AVP: variants seen among roughly 807,000 people sequenced by gnomAD.
The protein encoded by AVP is vasopressin-neurophysin 2-copeptin.
A neutral mutation model predicts 11.1 loss-of-function variants in AVP; 9 were observed. The observed-to-expected ratio is 0.81, with a 90% CI of 0.49 to 1.42. The LOEUF (loss-of-function observed/expected upper bound fraction) is 1.42. AVP is among the 40% of genes most tolerant of loss of function. The pLI, the probability that AVP is intolerant of heterozygous loss-of-function variation, is 0.00. For synonymous variants in AVP, 106 were observed against 111.3 expected, an observed-to-expected ratio of 0.95 and a Z score of 0.30; for missense variants, 206 against 238.5, an observed-to-expected ratio of 0.86 and a Z score of 0.90.
chr20:3,082,911 GCCCGCGTCCCC>G lies in AVP; in HGVS notation c.322+55_322+65del. The G allele has an allele frequency of 1.6e-6, 1 of 614,208 alleles. No individual in the cohort carries two copies. Among genetic ancestry groups the G allele is most frequent in the Non-Finnish European group, 2.2e-6 (1 of 451,298 alleles). The allele number at this position is 614,208 out of a possible 1,614,324, so 38.0% of individuals were successfully genotyped here. A position where few individuals can be genotyped will look rare whatever the true frequency, so the allele number is the denominator to read the frequency against. ...CGACGCAGCCCCCACCCCGCCGCAG[GCCCGCGTCCCC>G]CCCACCCAAGCGGTCTGCGCCCCCC... On this transcript the variant is annotated intron_variant, in intron 2 of 2. Coordinates refer to ENST00000380293, the MANE Select transcript of AVP (RefSeq NM_000490.5). This position sits in a 1 kb window ranked among gnomAD's most constrained non-coding sequence, Gnocchi z 4.7.
In AVP at chr20:3,082,745, C is replaced by T; in HGVS notation, c.380G>A (p.Ser127Asn). 1.6e-6 allele frequency: 2 copies of T among 1,277,184 alleles called. No homozygotes were observed. The highest frequency in any genetic ancestry group is 2.0e-6 in the Non-Finnish European group (2 of 1,014,112). The allele number at this position is 1,277,184 out of a possible 1,614,324, so 79.1% of individuals were successfully genotyped here. A position where few individuals can be genotyped will look rare whatever the true frequency, so the allele number is the denominator to read the frequency against. Reference protein sequence around the residue: ...REGFHRRARASDRSNATQLDG... With the variant: ...REGFHRRARANDRSNATQLDG... The stretch of plus-strand genomic sequence containing the variant: ...CAGCTGCGTGGCGTTGCTCCGGTCG[C>T]TGGCGCGGGCGCGGCGGTGAAAGCC... The change falls in exon 3 of 3, where the codon AGC becomes AAC. Residue 127 changes from serine to asparagine, a missense_variant. Physicochemically the swap from Ser to Asn is conservative, Grantham distance 46. This residue lies in a region of AVP where 106 missense variants were observed against 89.2 expected (regional missense o/e 1.19). Coordinates refer to ENST00000380293, the MANE Select transcript of AVP (RefSeq NM_000490.5). This position sits in a 1 kb window ranked among gnomAD's most constrained non-coding sequence, Gnocchi z 4.7.
chr20:3,082,893 G>GCCCC lies in AVP; in HGVS notation c.322+80_322+83dup. On this transcript the variant is annotated intron_variant, in intron 2 of 2. Transcript: ENST00000380293. This position sits in a 1 kb window ranked among gnomAD's most constrained non-coding sequence, Gnocchi z 4.7. ...CACCCTCCCTGCCGGGCCCGACGCA[G>GCCCC]CCCCCACCCCGCCGCAGGCCCGCGT... 8.3e-5 allele frequency: 99 copies of GCCCC among 1,191,304 alleles called. No individual in the cohort carries two copies. The highest frequency in any genetic ancestry group is 1.0e-4 in the South Asian group (3 of 29,028). The allele number at this position is 1,191,304 out of a possible 1,614,324, so 73.8% of individuals were successfully genotyped here. A position where few individuals can be genotyped will look rare whatever the true frequency, so the allele number is the denominator to read the frequency against.
chr20:3,082,934 G>A lies in AVP; in HGVS notation c.322+43C>T. On this transcript the variant is annotated intron_variant, in intron 2 of 2. Transcript: ENST00000380293. The surrounding 1 kb of genome is among the most constrained non-coding windows in gnomAD (Gnocchi z 4.7). ...AGGCCCGCGTCCCCCCCACCCAAGC[G>A]GTCTGCGCCCCCCCCAGCCCCAGGC... is the stretch of plus-strand genomic sequence containing the variant. 1 of 899,396 alleles carries A rather than the reference G, an allele frequency of 1.1e-6. No individual in the cohort carries two copies. Among genetic ancestry groups the A allele is most frequent in the East Asian group, 4.6e-5 (1 of 21,752 alleles). 55.7% of individuals were successfully genotyped at this position (899,396 alleles called of 1,614,324 possible).
Position 3,083,881 on chromosome 20 carries a change from TG to T in AVP, c.120+673del, listed in dbSNP as rs2066124471. On this transcript the variant is annotated intron_variant, in intron 1 of 2. Transcript: ENST00000380293. This position sits in a 1 kb window ranked among gnomAD's most constrained non-coding sequence, Gnocchi z 5.4. Reference sequence around the variant, plus strand: ...CTCATCTGCTCAACAGCCGGTTCTCTGGCGCAATGGATAGCGCATTAGACTT... The same window carrying T: ...CTCATCTGCTCAACAGCCGGTTCTCTGCGCAATGGATAGCGCATTAGACTT... Among the ~76,000 whole-genome samples the T allele has an allele frequency of 6.6e-6, 1 of 152,246 alleles. No homozygotes were observed. Among genetic ancestry groups the T allele is most frequent in the African/African-American group, 2.4e-5 (1 of 41,470 alleles).
Position 3,082,838 on chromosome 20 carries a change from G to A in AVP, c.323-36C>T, listed in dbSNP as rs918762576. On this transcript the variant is annotated intron_variant, in intron 2 of 2. Coordinates refer to ENST00000380293, the MANE Select transcript of AVP (RefSeq NM_000490.5). This position sits in a 1 kb window ranked among gnomAD's most constrained non-coding sequence, Gnocchi z 4.7. ...GACGTGTGAGCACGGGCGCCCTGGGGCGGGCGCAGCTCGGGGTGCGGGGGG... is the reference window on the plus strand; with the variant it reads ...GACGTGTGAGCACGGGCGCCCTGGGACGGGCGCAGCTCGGGGTGCGGGGGG... The A allele has an allele frequency of 8.2e-7, 1 of 1,221,684 alleles. No homozygotes were observed. Among genetic ancestry groups the A allele is most frequent in the Non-Finnish European group, 1.0e-6 (1 of 982,230 alleles). 75.7% of individuals were successfully genotyped at this position (1,221,684 alleles called of 1,614,324 possible).
In AVP at chr20:3,082,903, C is replaced by CCCCCCCCG; in HGVS notation, c.322+73_322+74insCGGGGGGG. Reference sequence around the variant, plus strand: ...GCCGGGCCCGACGCAGCCCCCACCCCGCCGCAGGCCCGCGTCCCCCCCACC... The same window carrying CCCCCCCCG: ...GCCGGGCCCGACGCAGCCCCCACCCCCCCCCCCGGCCGCAGGCCCGCGTCCCCCCCACC... On this transcript the variant is annotated intron_variant, in intron 2 of 2. Transcript: ENST00000380293. The surrounding 1 kb of genome is among the most constrained non-coding windows in gnomAD (Gnocchi z 4.7). 16 of 1,026,346 alleles carry CCCCCCCCG rather than the reference C, an allele frequency of 1.6e-5. No homozygotes were observed. The highest frequency in any genetic ancestry group is 2.0e-5 in the Non-Finnish European group (16 of 818,314). 63.6% of individuals were successfully genotyped at this position (1,026,346 alleles called of 1,614,324 possible). A position where few individuals can be genotyped will look rare whatever the true frequency, so the allele number is the denominator to read the frequency against.
chr20:3,083,245 G>A lies in AVP; in HGVS notation c.121-67C>T. On this transcript the variant is annotated intron_variant, in intron 1 of 2. Coordinates refer to ENST00000380293, the MANE Select transcript of AVP (RefSeq NM_000490.5). The surrounding 1 kb of genome is among the most constrained non-coding windows in gnomAD (Gnocchi z 5.4). ...AGTCGAGGGGTTGGAGGGGAACGCA[G>A]CGAGGCGGGGATGCTGGGGTCCAGG... 1 of 1,364,088 alleles carries A rather than the reference G, an allele frequency of 7.3e-7. No homozygotes were observed. Among genetic ancestry groups the A allele is most frequent in the Non-Finnish European group, 9.5e-7 (1 of 1,052,930 alleles). The allele number at this position is 1,364,088 out of a possible 1,614,324, so 84.5% of individuals were successfully genotyped here.
chr20:3,084,473 C>A, intron 1 of AVP, 82 bp downstream of exon 1: 2 of 1,604,640 alleles, frequency 1.2e-6, no homozygotes, highest in Admixed American at 1.7e-5. Flanking sequence ...CCACCCATGA[C>A]TTCCCTCTTT....
Position 3,083,183 on chromosome 20 carries a change from G to C in AVP, c.121-5C>G. ...CCCGGGGCCGCAGGGGAGGCACTGC[G>C]GGGACGGGCGGGGTGAGCGGGAGGA... is the stretch of plus-strand genomic sequence containing the variant. On this transcript the variant is annotated splice_region_variant and splice_polypyrimidine_tract_variant and intron_variant, in intron 1 of 2. Transcript: ENST00000380293. The surrounding 1 kb of genome is among the most constrained non-coding windows in gnomAD (Gnocchi z 5.4). 1 of 1,473,662 alleles carries C rather than the reference G, an allele frequency of 6.8e-7. No homozygotes were observed. Among genetic ancestry groups the C allele is most frequent in the Non-Finnish European group, 9.0e-7 (1 of 1,115,538 alleles). The allele number at this position is 1,473,662 out of a possible 1,614,324, so 91.3% of individuals were successfully genotyped here.
chr20:3,082,826 G>A lies in AVP; in HGVS notation c.323-24C>T. On this transcript the variant is annotated intron_variant, in intron 2 of 2. Transcript: ENST00000380293. This position sits in a 1 kb window ranked among gnomAD's most constrained non-coding sequence, Gnocchi z 4.7. ...CTCTGCCGGGAGGACGTGTGAGCAC[G>A]GGCGCCCTGGGGCGGGCGCAGCTCG... The A allele has an allele frequency of 8.2e-7, 1 of 1,223,782 alleles. No homozygotes were observed. The highest frequency in any genetic ancestry group is 1.0e-6 in the Non-Finnish European group (1 of 983,420). 75.8% of individuals were successfully genotyped at this position (1,223,782 alleles called of 1,614,324 possible).
chr20:3,082,918 TCCCCCCCACCCAAGCGGTCTGCGC>T lies in AVP; in HGVS notation c.322+35_322+58del. The T allele has an allele frequency of 2.1e-6, 1 of 476,026 alleles. No individual in the cohort carries two copies. Among genetic ancestry groups the T allele is most frequent in the Non-Finnish European group, 2.9e-6 (1 of 345,030 alleles). The allele number at this position is 476,026 out of a possible 1,614,324, so 29.5% of individuals were successfully genotyped here. ...GCCCCCACCCCGCCGCAGGCCCGCGTCCCCCCCACCCAAGCGGTCTGCGCCCCCCCCAGCCCCAGGCCCGCCCCC... is the reference window on the plus strand; with the variant it reads ...GCCCCCACCCCGCCGCAGGCCCGCGTCCCCCCCAGCCCCAGGCCCGCCCCC... On this transcript the variant is annotated intron_variant, in intron 2 of 2. Transcript: ENST00000380293. The surrounding 1 kb of genome is among the most constrained non-coding windows in gnomAD (Gnocchi z 4.7).
In AVP at chr20:3,082,676, G is replaced by A; in HGVS notation, c.449C>T (p.Ala150Val). 7.8e-7 allele frequency: 1 copy of A among 1,285,272 alleles called. No homozygotes were observed. The highest frequency in any genetic ancestry group is 9.8e-7 in the Non-Finnish European group (1 of 1,019,672). The allele number at this position is 1,285,272 out of a possible 1,614,324, so 79.6% of individuals were successfully genotyped here. A position where few individuals can be genotyped will look rare whatever the true frequency, so the allele number is the denominator to read the frequency against. The change falls in exon 3 of 3, where the codon GCC becomes GTC. Residue 150 changes from alanine (A) to valine (V), a missense_variant. Ala to Val is a moderately conservative substitution (Grantham distance 64, BLOSUM62 0). Around this residue, in one of 2 missense-constraint regions of AVP, gnomAD observed 106 missense variants for 89.2 expected, o/e 1.19. Coordinates refer to ENST00000380293, the MANE Select transcript of AVP (RefSeq NM_000490.5). This position sits in a 1 kb window ranked among gnomAD's most constrained non-coding sequence, Gnocchi z 4.7. Reference sequence around the variant, plus strand: ...GGGCTCGAAGGGCTCGGGCGCCCCGGCCAGCTGCACCAGCCGCAGCAGCAA... The same window carrying A: ...GGGCTCGAAGGGCTCGGGCGCCCCGACCAGCTGCACCAGCCGCAGCAGCAA... Reference protein sequence around the residue: ...GALLLRLVQLAGAPEPFEPAQ... With the variant: ...GALLLRLVQLVGAPEPFEPAQ...
At position 3,083,316 on chromosome 20, in the gene AVP, T is replaced by A; in HGVS notation, c.121-138A>T. The A allele has an allele frequency of 1.0e-6, 1 of 989,088 alleles. No individual in the cohort carries two copies. Among genetic ancestry groups the A allele is most frequent in the Non-Finnish European group, 1.4e-6 (1 of 732,410 alleles). The allele number at this position is 989,088 out of a possible 1,614,324, so 61.3% of individuals were successfully genotyped here. A position where few individuals can be genotyped will look rare whatever the true frequency, so the allele number is the denominator to read the frequency against. Reference sequence around the variant, plus strand: ...ACCGGGGCTGCGGCTGCAGGCACGCTCGGGCGCCACTGGGCCTCGACCGCG... The same window carrying A: ...ACCGGGGCTGCGGCTGCAGGCACGCACGGGCGCCACTGGGCCTCGACCGCG... On this transcript the variant is annotated intron_variant, in intron 1 of 2. Coordinates refer to ENST00000380293, the MANE Select transcript of AVP (RefSeq NM_000490.5). The surrounding 1 kb of genome is among the most constrained non-coding windows in gnomAD (Gnocchi z 5.4).
In AVP at chr20:3,083,306, G is replaced by T; in HGVS notation, c.121-128C>A. The stretch of plus-strand genomic sequence containing the variant: ...CGGGCGGGACACCGGGGCTGCGGCT[G>T]CAGGCACGCTCGGGCGCCACTGGGC... On this transcript the variant is annotated intron_variant, in intron 1 of 2. Transcript: ENST00000380293. This position sits in a 1 kb window ranked among gnomAD's most constrained non-coding sequence, Gnocchi z 5.4. 9.4e-7 allele frequency: 1 copy of T among 1,060,276 alleles called. No individual in the cohort carries two copies. The highest frequency in any genetic ancestry group is 1.3e-6 in the Non-Finnish European group (1 of 796,518). The allele number at this position is 1,060,276 out of a possible 1,614,324, so 65.7% of individuals were successfully genotyped here.
Position 3,084,598 on chromosome 20 carries a change from G to A in AVP, c.77C>T (p.Pro26Leu), listed in dbSNP as rs142886338. The change falls in exon 1 of 3, where the codon CCG becomes CTG. Residue 26 changes from proline (P) to leucine (L), a missense_variant. Pro to Leu is a moderately conservative substitution (Grantham distance 98, BLOSUM62 -3). Transcript: ENST00000380293. ...FSSACYFQNCPRGGKRAMSDL... is the reference protein window; with the variant it reads ...FSSACYFQNCLRGGKRAMSDL... The stretch of plus-strand genomic sequence containing the variant: ...GGACATGGCCCTCTTGCCGCCCCTC[G>A]GGCAGTTCTGGAAGTAGCACGCGGA... 5.1e-5 allele frequency: 82 copies of A among 1,613,806 alleles called. No individual in the cohort carries two copies. The highest frequency in any genetic ancestry group is 1.6e-4 in the Middle Eastern group (1 of 6,084).
rs1387023489 is a variant in AVP, at chr20:3,082,587, A to AGGGGCGGGCGCGAAGAGCGCGCCGGT, written c.*17_*42dup. On this transcript the variant is annotated 3_prime_UTR_variant, in exon 3 of 3. Transcript: ENST00000380293. The surrounding 1 kb of genome is among the most constrained non-coding windows in gnomAD (Gnocchi z 4.7). ...GGCGGAGGTTTATTGTCCGTGCTGC[A>AGGGGCGGGCGCGAAGAGCGCGCCGGT]GGGGCGGGCGCGAAGAGCGCGCCGG... 5 of 1,235,288 alleles carry AGGGGCGGGCGCGAAGAGCGCGCCGGT rather than the reference A, an allele frequency of 4.0e-6. No individual in the cohort carries two copies. The highest frequency in any genetic ancestry group is 1.6e-5 in the African/African-American group (1 of 63,878). 76.5% of individuals were successfully genotyped at this position (1,235,288 alleles called of 1,614,324 possible). A position where few individuals can be genotyped will look rare whatever the true frequency, so the allele number is the denominator to read the frequency against.
intron 1 of AVP, 28 bp downstream of exon 1, chr20:3,084,527 C>A (rs566449648): frequency 1.2e-6 from 2 of 1,613,376 alleles, no homozygotes; most frequent in African/African-American, 2.7e-5. Context: ...GCTATGGCAG[C>A]CCTGAGATGG....
At chr20:3,084,284 G>A (rs1021323120) in intron 1 of AVP, among the ~76,000 whole-genome samples, 8 of 152,134 alleles carry the variant, frequency 5.3e-5, no homozygotes, top group African/African-American at 7.2e-5. Context: ...CCCAGTCACC[G>A]GGGAAGCATC....
chr20:3,084,072 T>A (rs1250630339), intron 1 of AVP, among the ~76,000 whole-genome samples: 1 of 152,180 alleles, frequency 6.6e-6, no homozygotes, highest in Non-Finnish European at 1.5e-5. Flanking sequence ...CCCCACAGGA[T>A]GCCCCACTCA....
Sources: allele counts gnomAD v4.1 joint callset (sites outside exome capture counted in the v4.1 genomes callset), GRCh38; gene constraint gnomAD v4.1.1; regional missense constraint gnomAD v4.1.1; non-coding constraint Gnocchi (gnomAD v3.1); transcripts MANE v1.5; gene names NCBI Gene and HGNC (gene_info 2026-07-23, HGNC 2026-07-21).